FGFR2: variants seen among roughly 807,000 people sequenced by gnomAD.
FGFR2 encodes BEK fibroblast growth factor receptor.
FGFR2 carries 19 observed loss-of-function variants against 95.9 expected under a neutral mutation model. The observed-to-expected ratio is 0.20, with a 90% CI of 0.14 to 0.29. FGFR2 has a LOEUF of 0.29. Among genes scored for constraint, FGFR2 ranks in the 10% least tolerant of loss-of-function variants. FGFR2 has a pLI of 1.00. For synonymous variants in FGFR2, 392 were observed against 393.3 expected (o/e 1.00, Z 0.04); for missense variants, 707 against 1,056.9 (o/e 0.67, Z 4.59).
chr10:121,578,959 G>C (rs751783), intron 2 of FGFR2, among the ~76,000 whole-genome samples: 1 of 152,236 alleles, frequency 6.6e-6, no homozygotes, highest in African/African-American at 2.4e-5. Context: ...CTGCAGGTGC[G>C]GGCTGACATT....
intron 6 of FGFR2, among the ~76,000 whole-genome samples, chr10:121,524,958 CTCT>C (rs1851160201): frequency 6.6e-6 from 1 of 152,228 alleles, no homozygotes; most frequent in South Asian, 2.1e-4. Context: ...GCTAGTTCAT[CTCT>C]TCTTCTATGT....
chr10:121,518,017 T>A lies in FGFR2; in HGVS notation c.940-554A>T, dbSNP rs3135759. On this transcript the variant is annotated intron_variant, in intron 7 of 17. Coordinates refer to ENST00000358487, the MANE Select transcript of FGFR2 (RefSeq NM_000141.5). The surrounding 1 kb of genome is among the most constrained non-coding windows in gnomAD (Gnocchi z 4.0). Reference sequence around the variant, plus strand: ...CGATACCATCTTGCCCTACATAGCATTGACAAAAAGAAATGGAAGCAAGCA... The same window carrying A: ...CGATACCATCTTGCCCTACATAGCAATGACAAAAAGAAATGGAAGCAAGCA... 5 of 491,726 alleles carry A rather than the reference T, an allele frequency of 1.0e-5. No individual in the cohort carries two copies. Among genetic ancestry groups the A allele is most frequent in the South Asian group, 7.7e-5 (5 of 65,104 alleles). The allele number at this position is 491,726 out of a possible 1,614,324, so 30.5% of individuals were successfully genotyped here.
At chr10:121,502,652 A>G (rs1309131660) in intron 10 of FGFR2, among the ~76,000 whole-genome samples, 1 of 152,204 alleles carries the variant, frequency 6.6e-6, no homozygotes, top group Non-Finnish European at 1.5e-5. Flanking sequence ...GGTACACATG[A>G]GAAGTGTATA....
At chr10:121,563,480 T>C (rs1384170379) in intron 4 of FGFR2, among the ~76,000 whole-genome samples, 1 of 152,192 alleles carries the variant, frequency 6.6e-6, no homozygotes, top group African/African-American at 2.4e-5. Flanking sequence ...AAATGTAGAA[T>C]ATACCATGTA....
At chr10:121,557,682 T>C (rs1856349949) in intron 4 of FGFR2, among the ~76,000 whole-genome samples, 1 of 152,168 alleles carries the variant, frequency 6.6e-6, no homozygotes. Flanking sequence ...GGGTTTTTTG[T>C]TGTTTTTATT....
chr10:121,538,253 G>A, intron 6 of FGFR2: 1 of 682,272 alleles, frequency 1.5e-6, no homozygotes, highest in East Asian at 2.6e-5. Context: ...AAAACCAAAG[G>A]TCTGCTACAG....
chr10:121,505,149 T>C (rs1848111633), intron 9 of FGFR2, among the ~76,000 whole-genome samples: 1 of 152,204 alleles, frequency 6.6e-6, no homozygotes, highest in Non-Finnish European at 1.5e-5. Flanking sequence ...GGGTGGGTCC[T>C]GGGCTCTTCT....
chr10:121,574,817 G>C (rs1213806000), intron 2 of FGFR2, among the ~76,000 whole-genome samples: 3 of 152,210 alleles, frequency 2.0e-5, no homozygotes, highest in African/African-American at 7.2e-5. Flanking sequence ...AAAGGTGAAA[G>C]TTCTCTACCT....
chr10:121,585,437 G>A (rs1861677576), intron 2 of FGFR2, among the ~76,000 whole-genome samples: 1 of 152,212 alleles, frequency 6.6e-6, no homozygotes, highest in African/African-American at 2.4e-5. Flanking sequence ...AAGTGGGACA[G>A]GGAAGAAATC....
intron 2 of FGFR2, among the ~76,000 whole-genome samples, chr10:121,590,014 A>G: frequency 6.6e-6 from 1 of 152,214 alleles, no homozygotes; most frequent in Non-Finnish European, 1.5e-5. Context: ...CTTAAACCAT[A>G]CTGGAAAAAT....
intron 6 of FGFR2, among the ~76,000 whole-genome samples, chr10:121,532,683 A>G (rs1191695154): frequency 1.3e-5 from 2 of 152,150 alleles, no homozygotes; most frequent in African/African-American, 4.8e-5. Context: ...CCAAGCAGTC[A>G]ACAATTTCAG....
At chr10:121,548,654 A>AGCTC (rs1482834910) in intron 5 of FGFR2, among the ~76,000 whole-genome samples, 1 of 152,136 alleles carries the variant, frequency 6.6e-6, no homozygotes, top group East Asian at 1.9e-4. Context: ...GAGCCTCATC[A>AGCTC]GCTCCTCTTT....
intron 12 of FGFR2, among the ~76,000 whole-genome samples, chr10:121,497,531 C>T (rs943204636): frequency 6.6e-6 from 1 of 152,194 alleles, no homozygotes; most frequent in Non-Finnish European, 1.5e-5. Context: ...ATCGTATAAA[C>T]ACACCACACT....
chr10:121,482,410 A>G (rs552177801), intron 17 of FGFR2, among the ~76,000 whole-genome samples: 2 of 152,344 alleles, frequency 1.3e-5, no homozygotes, highest in South Asian at 2.1e-4. Context: ...CTAAGACTTC[A>G]TATCACTACA....
intron 10 of FGFR2, 123 bp from the exon 11 acceptor site, chr10:121,501,070 G>T (rs1009264353): frequency 1.5e-6 from 2 of 1,355,840 alleles, no homozygotes; most frequent in African/African-American, 2.9e-5. Flanking sequence ...TTATCATATG[G>T]AACTAATGAG....
At chr10:121,562,574 CG>C (rs1312283380) in intron 4 of FGFR2, among the ~76,000 whole-genome samples, 2 of 152,180 alleles carry the variant, frequency 1.3e-5, no homozygotes, top group Non-Finnish European at 2.9e-5. Flanking sequence ...GCGTGAGCAA[CG>C]GTGCCCAGCC....
intron 13 of FGFR2, among the ~76,000 whole-genome samples, chr10:121,494,568 C>A (rs1190324525): frequency 6.6e-6 from 1 of 152,120 alleles, no homozygotes; most frequent in African/African-American, 2.4e-5. Context: ...GGGCTACCCT[C>A]CCCAGGCTTA....
chr10:121,497,069 T>C (rs1846942768), intron 12 of FGFR2, among the ~76,000 whole-genome samples: 1 of 139,168 alleles, frequency 7.2e-6, no homozygotes, highest in South Asian at 2.2e-4. Context: ...AGGTGGAGGC[T>C]GTAGTGAGCC....
At chr10:121,487,459 T>C (rs1845568003) in intron 14 of FGFR2, 35 bp from the exon 15 acceptor site, 1 of 1,560,000 alleles carries the variant, frequency 6.4e-7, no homozygotes, top group Non-Finnish European at 8.8e-7. Context: ...AAACTAAATA[T>C]ATTTAAAAGA....
Sources: gnomAD v4.1 joint callset for allele counts (sites outside exome capture counted in the v4.1 genomes callset) on GRCh38, gnomAD v4.1.1 for gene constraint, Gnocchi (gnomAD v3.1) non-coding constraint, MANE v1.5 for transcripts, NCBI Gene and HGNC (gene_info 2026-07-23, HGNC 2026-07-21) for gene names.